Variants in NCLN observed in about 807,000 individuals in gnomAD.
NCLN encodes the protein nicalin, also known as BOS complex subunit NCLN.
In NCLN, 34 loss-of-function variants were observed where a neutral mutation model predicts 69.5. That is an observed-to-expected ratio of 0.49 (90% CI 0.37 to 0.65). NCLN has a LOEUF of 0.65. NCLN is among the 30% of genes least tolerant of loss of function. The pLI is 0.00. For missense variants in NCLN, 710 were observed against 804.8 expected (o/e 0.88, Z 1.42); for synonymous variants, 393 against 358.3 (o/e 1.10, Z -1.09).
Position 3,207,867 on chromosome 19 carries a change from G to T in NCLN, c.*179G>T, listed in dbSNP as rs60781577. 0.027 allele frequency: 15,891 copies of T among 595,392 alleles called. 1,177 individuals are homozygous for T. The highest frequency in any genetic ancestry group is 0.22 in the East Asian group (7,892 of 35,446). 36.9% of individuals were successfully genotyped at this position (595,392 alleles called of 1,614,324 possible). On this transcript the variant is annotated 3_prime_UTR_variant, in exon 15 of 15. Coordinates refer to ENST00000246117, the MANE Select transcript of NCLN (RefSeq NM_020170.4). ...TTCTGTTGCTCTCCGAGACTGGGGG[G>T]GGATTGTTTCTTCTTTTCCTTGTCT... is the stretch of plus-strand genomic sequence containing the variant.
intron 12 of NCLN, 141 bp from the exon 13 acceptor site, chr19:3,207,057 C>A: frequency 1.1e-6 from 1 of 944,140 alleles, no homozygotes; most frequent in Non-Finnish European, 1.7e-6. Flanking sequence ...CTCTTGACTT[C>A]AAGTGATCCG....
In NCLN at chr19:3,192,671, G is replaced by A. The variant is rs775115643; in HGVS notation, c.375+11G>A. The stretch of plus-strand genomic sequence containing the variant: ...CAGGACGTCGTCCGGGTGAGCGTCT[G>A]CCCTGCCCCGCCCGGCTCAGGTCCA... On this transcript the variant is annotated intron_variant, in intron 2 of 14. Coordinates refer to ENST00000246117, the MANE Select transcript of NCLN (RefSeq NM_020170.4). 2.0e-6 allele frequency: 3 copies of A among 1,518,900 alleles called. No individual in the cohort carries two copies. The highest frequency in any genetic ancestry group is 2.6e-6 in the Non-Finnish European group (3 of 1,134,270). 94.1% of individuals were successfully genotyped at this position (1,518,900 alleles called of 1,614,324 possible).
In NCLN at chr19:3,209,520, CTGG is replaced by C. The variant is rs1303048536; in HGVS notation, c.*1835_*1837del. On this transcript the variant is annotated 3_prime_UTR_variant, in exon 15 of 15. Coordinates refer to ENST00000246117, the MANE Select transcript of NCLN (RefSeq NM_020170.4). ...ACTGACTGACCGTCTGGGGCTCAGGCTGGTGTGGGATGCAGCCGGCCGATGAGA... is the reference window on the plus strand; with the variant it reads ...ACTGACTGACCGTCTGGGGCTCAGGCTGTGGGATGCAGCCGGCCGATGAGA... 3.3e-5 allele frequency: 5 copies of C among 152,248 alleles called. No individual in the cohort carries two copies. Among genetic ancestry groups the C allele is most frequent in the Non-Finnish European group, 7.3e-5 (5 of 68,070 alleles). 9.4% of individuals were successfully genotyped at this position (152,248 alleles called of 1,614,324 possible).
At chr19:3,187,052 C>T (rs1017671044) in intron 1 of NCLN, among the ~76,000 whole-genome samples, 5 of 152,154 alleles carry the variant, frequency 3.3e-5, no homozygotes, top group African/African-American at 1.2e-4. Flanking sequence ...CCCTTTCTGT[C>T]CCGCCTTTGA....
rs547921693 is a variant in NCLN, at chr19:3,209,402, C to G, written c.*1714C>G. ...AGAGAATTTGGGGAGTGCTTGCATGCTAGCCAGCAGGCTCCTGTCTGGGTG... is the reference window on the plus strand; with the variant it reads ...AGAGAATTTGGGGAGTGCTTGCATGGTAGCCAGCAGGCTCCTGTCTGGGTG... On this transcript the variant is annotated 3_prime_UTR_variant, in exon 15 of 15. Transcript: ENST00000246117. The G allele has an allele frequency of 6.6e-6, 1 of 152,358 alleles. No homozygotes were observed. Among genetic ancestry groups the G allele is most frequent in the Admixed American group, 6.5e-5 (1 of 15,292 alleles). 9.4% of individuals were successfully genotyped at this position (152,358 alleles called of 1,614,324 possible). A position where few individuals can be genotyped will look rare whatever the true frequency, so the allele number is the denominator to read the frequency against.
Position 3,203,666 on chromosome 19 carries a change from AC to A in NCLN, c.801-87del, listed in dbSNP as rs573571182. The A allele has an allele frequency of 5.2e-4, 618 of 1,191,256 alleles. 2 individuals are homozygous for A. In the African/African-American group the frequency reaches 8.8e-3, roughly 17 times the overall value. The allele number at this position is 1,191,256 out of a possible 1,614,324, so 73.8% of individuals were successfully genotyped here. A position where few individuals can be genotyped will look rare whatever the true frequency, so the allele number is the denominator to read the frequency against. Reference sequence around the variant, plus strand: ...TTTCCTGCTTTGGGGAGACCTTCATACCCTTCCTGGGGGACCTGTGACCTGG... The same window carrying A: ...TTTCCTGCTTTGGGGAGACCTTCATACCTTCCTGGGGGACCTGTGACCTGG... On this transcript the variant is annotated intron_variant, in intron 6 of 14. Transcript: ENST00000246117.
At position 3,205,850 on chromosome 19, in the gene NCLN, C is replaced by T. The variant is rs761669272; in HGVS notation, c.1209-89C>T. ...TTTAAAGACAGAGTCTCACGGTCTCCTAGGCTGGAGTGCTGGGATTACAAG... is the reference window on the plus strand; with the variant it reads ...TTTAAAGACAGAGTCTCACGGTCTCTTAGGCTGGAGTGCTGGGATTACAAG... On this transcript the variant is annotated intron_variant, in intron 9 of 14. Transcript: ENST00000246117. The surrounding 1 kb of genome is among the most constrained non-coding windows in gnomAD (Gnocchi z 4.6). 2.6e-6 allele frequency: 3 copies of T among 1,173,630 alleles called. No homozygotes were observed. The highest frequency in any genetic ancestry group is 3.8e-6 in the Non-Finnish European group (3 of 795,024). The allele number at this position is 1,173,630 out of a possible 1,614,324, so 72.7% of individuals were successfully genotyped here.
chr19:3,188,414 C>T (rs1368240578), intron 1 of NCLN, among the ~76,000 whole-genome samples: 6 of 152,206 alleles, frequency 3.9e-5, no homozygotes, highest in Non-Finnish European at 7.3e-5. Flanking sequence ...GCCAGACGGA[C>T]GCCCTCTCCA....
At chr19:3,206,482 C>G (rs546560070) in intron 12 of NCLN, 57 bp downstream of exon 12, 76 of 1,498,060 alleles carry the variant, frequency 5.1e-5, no homozygotes, top group African/African-American at 1.4e-4. Context: ...GGGACCTCCC[C>G]CTACTGCATC....
At chr19:3,195,422 T>C (rs1180775601) in intron 3 of NCLN, among the ~76,000 whole-genome samples, 2 of 151,932 alleles carry the variant, frequency 1.3e-5, no homozygotes, top group Non-Finnish European at 1.5e-5. Flanking sequence ...GCTAATTTTT[T>C]GTATTTTTAG....
At chr19:3,200,182 C>G (rs905422803) in intron 5 of NCLN, among the ~76,000 whole-genome samples, 2 of 152,184 alleles carry the variant, frequency 1.3e-5, no homozygotes, top group African/African-American at 4.8e-5. Flanking sequence ...CTCCTGACCT[C>G]AGGCAATCCA....
chr19:3,195,491 C>T (rs61391973), intron 3 of NCLN, among the ~76,000 whole-genome samples: 8,332 of 152,186 alleles, frequency 0.055, 613 homozygotes, highest in East Asian at 0.37. Flanking sequence ...CGTCGTGATT[C>T]GCCCGCCTCG....
chr19:3,198,073 C>T (rs1599354266), intron 4 of NCLN, among the ~76,000 whole-genome samples: 1 of 152,212 alleles, frequency 6.6e-6, no homozygotes, highest in African/African-American at 2.4e-5. Flanking sequence ...CGGGCTAGAG[C>T]AGAATCCGAC....
chr19:3,186,330 G>C, intron 1 of NCLN, 116 bp downstream of exon 1: 1 of 1,197,432 alleles, frequency 8.4e-7, no homozygotes, highest in Non-Finnish European at 1.1e-6. Flanking sequence ...CCCATGCTCA[G>C]GCCCCAGGCG....
At chr19:3,201,485 C>G (rs373531721) in intron 5 of NCLN, 38 bp from the exon 6 acceptor site, 6 of 1,471,630 alleles carry the variant, frequency 4.1e-6, no homozygotes, top group African/African-American at 2.8e-5. Context: ...GGGAGCCGGG[C>G]GGGGGTGACT....
chr19:3,201,798 G>C (rs533689740), intron 6 of NCLN, among the ~76,000 whole-genome samples, 172 bp downstream of exon 6: 39 of 152,316 alleles, frequency 2.6e-4, no homozygotes, highest in Middle Eastern at 3.4e-3. Context: ...GCCCTCGCAG[G>C]CTCTGTCTCT....
At position 3,198,914 on chromosome 19, in the gene NCLN, C is replaced by T; in HGVS notation, c.696+17C>T. On this transcript the variant is annotated intron_variant, in intron 5 of 14. Transcript: ENST00000246117. ...GTGGCCCCCGTACGTATGTGTGTCC[C>T]CATTCCCCCCACCCCACAGGGCTTG... 3 of 1,433,012 alleles carry T rather than the reference C, an allele frequency of 2.1e-6. No individual in the cohort carries two copies. The highest frequency in any genetic ancestry group is 1.5e-5 in the South Asian group (1 of 67,754). 88.8% of individuals were successfully genotyped at this position (1,433,012 alleles called of 1,614,324 possible).
At chr19:3,197,131 C>T (rs544154509) in intron 4 of NCLN, among the ~76,000 whole-genome samples, 2 of 152,334 alleles carry the variant, frequency 1.3e-5, no homozygotes, top group South Asian at 2.1e-4. Flanking sequence ...ACTGTGGGCC[C>T]GGGAGGCGCG....
rs971436642 is a variant in NCLN at position 3,186,160 on chromosome 19, C to T, written c.130C>T (p.His44Tyr). The T allele has an allele frequency of 2.5e-6, 4 of 1,595,662 alleles. No individual in the cohort carries two copies. Among genetic ancestry groups the T allele is most frequent in the East Asian group, 2.4e-5 (1 of 42,230 alleles). ...APPLPAADAA[H>Y]EFTVYRMQQY... Reference sequence around the variant, plus strand: ...GCCGCTGCCTGCCGCCGACGCCGCGCACGAGTTCACCGTGTACCGCATGCA... The same window carrying T: ...GCCGCTGCCTGCCGCCGACGCCGCGTACGAGTTCACCGTGTACCGCATGCA... The change falls in exon 1 of 15, where the codon CAC becomes TAC. Residue 44 changes from histidine (H) to tyrosine (Y), a missense_variant. His to Tyr is a moderately conservative substitution (Grantham distance 83). Coordinates refer to ENST00000246117, the MANE Select transcript of NCLN (RefSeq NM_020170.4).
Sources: gnomAD v4.1 joint callset for allele counts (sites outside exome capture counted in the v4.1 genomes callset) on GRCh38, gnomAD v4.1.1 for gene constraint, Gnocchi (gnomAD v3.1) non-coding constraint, MANE v1.5 for transcripts, NCBI Gene and HGNC (gene_info 2026-07-23, HGNC 2026-07-21) for gene names.